The following GRIA4 variants were observed in gnomAD, a reference collection of about 807,000 sequenced individuals.
The protein encoded by GRIA4 is glutamate receptor 4.
In GRIA4, 34 loss-of-function variants were observed where a neutral mutation model predicts 104.0. That is an observed-to-expected ratio of 0.33 (90% CI 0.25 to 0.44). The LOEUF (loss-of-function observed/expected upper bound fraction) is 0.44, where lower values mean the gene tolerates loss of function less well. Among genes scored for constraint, GRIA4 ranks in the 20% least tolerant of loss-of-function variants. The pLI is 1.00. For missense variants in GRIA4, 750 were observed against 1,096.5 expected, an observed-to-expected ratio of 0.68 and a Z score of 4.46; for synonymous variants, 386 against 381.9, an observed-to-expected ratio of 1.01 and a Z score of -0.13.
intron 3 of GRIA4, among the ~76,000 whole-genome samples, chr11:105,691,796 A>T (rs1337828331): frequency 6.6e-6 from 1 of 151,814 alleles, no homozygotes; most frequent in Admixed American, 6.6e-5. Flanking sequence ...TTAGCCGGGC[A>T]TGGTGGCAGG....
intron 3 of GRIA4, among the ~76,000 whole-genome samples, chr11:105,667,716 G>A (rs567934139): frequency 2.6e-5 from 4 of 151,958 alleles, no homozygotes; most frequent in South Asian, 2.1e-4. Flanking sequence ...AAAATTGTAT[G>A]TATTTAAAGT....
chr11:105,909,833 C>A (rs597023), intron 9 of GRIA4, among the ~76,000 whole-genome samples: 152,151 of 152,304 alleles, frequency 1, 76,000 homozygotes, highest in East Asian at 1. Context: ...AAATGAAAAA[C>A]ATACAAATTT....
At chr11:105,824,888 A>C (rs1943710381) in intron 4 of GRIA4, 1 of 152,078 alleles carries the variant, frequency 6.6e-6, no homozygotes, top group African/African-American at 2.4e-5. Context: ...GGCCAGTATA[A>C]TGATGCCTCT....
At chr11:105,721,563 A>G (rs1029001391) in intron 3 of GRIA4, among the ~76,000 whole-genome samples, 1 of 152,216 alleles carries the variant, frequency 6.6e-6, no homozygotes, top group Non-Finnish European at 1.5e-5. Flanking sequence ...TTTTACATAT[A>G]TTAATAGTGC....
At chr11:105,737,038 G>A (rs920004410) in intron 3 of GRIA4, among the ~76,000 whole-genome samples, 1 of 152,008 alleles carries the variant, frequency 6.6e-6, no homozygotes, top group African/African-American at 2.4e-5. Context: ...ATTTTTATTG[G>A]ATAGCATTCT....
intron 3 of GRIA4, 170 bp downstream of exon 3, chr11:105,612,604 G>T: frequency 1.1e-5 from 4 of 377,698 alleles, no homozygotes; most frequent in Middle Eastern, 5.4e-4. Flanking sequence ...GGGATATTTA[G>T]TTGTTTTTTT....
chr11:105,627,767 A>G (rs556551786), intron 3 of GRIA4, among the ~76,000 whole-genome samples: 2 of 152,324 alleles, frequency 1.3e-5, no homozygotes, highest in Non-Finnish European at 2.9e-5. Flanking sequence ...GGTGGGAGGA[A>G]AGTAAACAAA....
intron 5 of GRIA4, among the ~76,000 whole-genome samples, chr11:105,886,223 G>T (rs1946251689): frequency 6.6e-6 from 1 of 151,852 alleles, no homozygotes; most frequent in Non-Finnish European, 1.5e-5. Flanking sequence ...GTACATAGTA[G>T]TATATATATT....
chr11:105,712,675 T>C (rs1159310827), intron 3 of GRIA4, among the ~76,000 whole-genome samples: 2 of 150,086 alleles, frequency 1.3e-5, no homozygotes, highest in Admixed American at 1.4e-4. Flanking sequence ...CACATAGGTG[T>C]TTTGTTTTGT....
At chr11:105,675,898 A>C (rs1337145391) in intron 3 of GRIA4, among the ~76,000 whole-genome samples, 1 of 151,848 alleles carries the variant, frequency 6.6e-6, no homozygotes, top group African/African-American at 2.4e-5. Flanking sequence ...AGATGTCTTG[A>C]GTTCTTTCAT....
intron 3 of GRIA4, among the ~76,000 whole-genome samples, chr11:105,726,266 A>G (rs948859394): frequency 1.3e-5 from 2 of 152,018 alleles, no homozygotes; most frequent in Admixed American, 6.6e-5. Flanking sequence ...AGTATAAACA[A>G]ACCCTCTGGG....
intron 4 of GRIA4, among the ~76,000 whole-genome samples, chr11:105,794,574 CTATA>C (rs1204574254): frequency 2.3e-5 from 3 of 128,222 alleles, no homozygotes; most frequent in South Asian, 5.0e-4. Flanking sequence ...CTATATCTAT[CTATA>C]TATATCTCTC....
chr11:105,769,352 G>A (rs1941103585), intron 4 of GRIA4, among the ~76,000 whole-genome samples: 1 of 152,022 alleles, frequency 6.6e-6, no homozygotes, highest in African/African-American at 2.4e-5. Flanking sequence ...GTAATATTTG[G>A]GCTGAGTAGA....
At chr11:105,711,375 T>C (rs1953903406) in intron 3 of GRIA4, among the ~76,000 whole-genome samples, 1 of 151,974 alleles carries the variant, frequency 6.6e-6, no homozygotes, top group African/African-American at 2.4e-5. Flanking sequence ...TGTATACTTA[T>C]GTAACAAACC....
At chr11:105,911,564 T>C (rs1947235325) in intron 10 of GRIA4, among the ~76,000 whole-genome samples, 1 of 151,252 alleles carries the variant, frequency 6.6e-6, no homozygotes, top group African/African-American at 2.4e-5. Context: ...TTCCCAAAAG[T>C]GATATTAAGG....
chr11:105,812,061 G>A (rs1270059106), intron 4 of GRIA4, among the ~76,000 whole-genome samples: 1 of 152,228 alleles, frequency 6.6e-6, no homozygotes, highest in African/African-American at 2.4e-5. Flanking sequence ...GGGAGAGTGC[G>A]AGCAGGAGAA....
At chr11:105,862,313 T>C (rs767026234) in intron 5 of GRIA4, 105 bp downstream of exon 5, 7 of 664,770 alleles carry the variant, frequency 1.1e-5, no homozygotes, top group South Asian at 5.7e-5. Flanking sequence ...TAATTTGGAG[T>C]GTGAGGTTTG....
chr11:105,666,016 G>C (rs1010706018), intron 3 of GRIA4, among the ~76,000 whole-genome samples: 2 of 151,868 alleles, frequency 1.3e-5, no homozygotes, highest in African/African-American at 2.4e-5. Context: ...ATGAAATTCA[G>C]GTATTCATCA....
At chr11:105,765,348 A>G (rs1200860024) in intron 4 of GRIA4, among the ~76,000 whole-genome samples, 1 of 152,260 alleles carries the variant, frequency 6.6e-6, no homozygotes, top group African/African-American at 2.4e-5. Context: ...TCCTTTAAAC[A>G]ATAACAACAG....
Sources: gnomAD v4.1 joint callset for allele counts (sites outside exome capture counted in the v4.1 genomes callset) on GRCh38, gnomAD v4.1.1 for gene constraint, MANE v1.5 for transcripts, NCBI Gene and HGNC (gene_info 2026-07-23, HGNC 2026-07-21) for gene names.